Variants in GRID1 observed in about 807,000 individuals in gnomAD.
The protein encoded by GRID1 is glutamate ionotropic receptor delta type subunit 1.
In GRID1, 28 loss-of-function variants were observed where a neutral mutation model predicts 98.0. The ratio of observed to expected loss-of-function variants is 0.29; its 90% CI spans 0.21 to 0.39. The LOEUF (loss-of-function observed/expected upper bound fraction) is 0.39. GRID1 is among the 10% of genes least tolerant of loss of function. The probability of loss-of-function intolerance (pLI) is 1.00; values close to 1 mark genes in which losing one functional copy is unlikely to be tolerated. For synonymous variants in GRID1, 553 were observed against 538.5 expected (o/e 1.03, Z -0.37); for missense variants, 1,111 against 1,340.5 (o/e 0.83, Z 2.67).
chr10:86,178,213 G>C (rs1384232918), intron 3 of GRID1, among the ~76,000 whole-genome samples: 1 of 152,178 alleles, frequency 6.6e-6, no homozygotes, highest in Non-Finnish European at 1.5e-5. Context: ...AAAATCACTT[G>C]TCTCCCAAAT....
intron 12 of GRID1, among the ~76,000 whole-genome samples, chr10:85,678,496 A>G (rs1841170589): frequency 6.6e-6 from 1 of 152,132 alleles, no homozygotes; most frequent in African/African-American, 2.4e-5. Flanking sequence ...ATACCCAAAG[A>G]TGAGGTCTAA....
At chr10:85,665,769 C>A (rs531566669) in intron 12 of GRID1, among the ~76,000 whole-genome samples, 1 of 152,188 alleles carries the variant, frequency 6.6e-6, no homozygotes, top group Non-Finnish European at 1.5e-5. Context: ...GCCACCCCTG[C>A]AACCTAATTT....
At chr10:85,960,948 A>G (rs1842257771) in intron 4 of GRID1, among the ~76,000 whole-genome samples, 1 of 151,276 alleles carries the variant, frequency 6.6e-6, no homozygotes, top group Non-Finnish European at 1.5e-5. Context: ...CCTGGCCTTC[A>G]CCCTGAGGAC....
At chr10:86,344,496 G>A (rs866685677) in intron 2 of GRID1, among the ~76,000 whole-genome samples, 1 of 152,150 alleles carries the variant, frequency 6.6e-6, no homozygotes, top group African/African-American at 2.4e-5. Flanking sequence ...CAGAAGCTAG[G>A]GGAGGAGCAG....
chr10:86,271,061 T>G (rs1365689670), intron 2 of GRID1, among the ~76,000 whole-genome samples: 1 of 152,164 alleles, frequency 6.6e-6, no homozygotes, highest in Non-Finnish European at 1.5e-5. Flanking sequence ...GAAAGACACC[T>G]GGCGAGCTTT....
chr10:86,317,925 T>A (rs1198234235), intron 2 of GRID1, among the ~76,000 whole-genome samples: 1 of 152,048 alleles, frequency 6.6e-6, no homozygotes, highest in Admixed American at 6.5e-5. Context: ...ATTTTTTTTG[T>A]AAAGACAGGG....
intron 5 of GRID1, 58 bp from the exon 6 acceptor site, chr10:85,869,238 A>T: frequency 1.3e-6 from 2 of 1,491,020 alleles, no homozygotes; most frequent in Non-Finnish European, 1.9e-6. Flanking sequence ...TCTGCAAGAG[A>T]CCTATCAGGA....
intron 4 of GRID1, among the ~76,000 whole-genome samples, chr10:85,960,845 G>T (rs1564636088): frequency 1.3e-5 from 2 of 152,158 alleles, no homozygotes; most frequent in Admixed American, 6.5e-5. Context: ...CCTCACTCAG[G>T]GAAAACATTT....
intron 2 of GRID1, among the ~76,000 whole-genome samples, chr10:86,303,247 T>C (rs1298618600): frequency 1.3e-5 from 2 of 152,246 alleles, no homozygotes; most frequent in African/African-American, 4.8e-5. Flanking sequence ...GAAGCAGATA[T>C]ATGACAAATG....
chr10:86,200,757 G>A (rs536686309), intron 3 of GRID1, among the ~76,000 whole-genome samples: 1 of 151,564 alleles, frequency 6.6e-6, no homozygotes, highest in African/African-American at 2.4e-5. Flanking sequence ...TTAAAAACAG[G>A]CAAAAAAATC....
chr10:86,085,321 C>T (rs1235865645), intron 4 of GRID1, among the ~76,000 whole-genome samples: 1 of 152,206 alleles, frequency 6.6e-6, no homozygotes, highest in Non-Finnish European at 1.5e-5. Context: ...CACTGCCATT[C>T]CGTGGACCTC....
chr10:86,196,299 G>C (rs896586855), intron 3 of GRID1, among the ~76,000 whole-genome samples: 1 of 151,982 alleles, frequency 6.6e-6, no homozygotes, highest in Non-Finnish European at 1.5e-5. Context: ...TTTGTTCAGC[G>C]CTTGGCTCAA....
At chr10:85,716,047 C>T (rs554988543) in intron 12 of GRID1, among the ~76,000 whole-genome samples, 1 of 152,136 alleles carries the variant, frequency 6.6e-6, no homozygotes, top group East Asian at 1.9e-4. Flanking sequence ...GCTGGGATCA[C>T]AGGTGCCCGC....
At chr10:86,245,860 G>C (rs1225352458) in intron 2 of GRID1, among the ~76,000 whole-genome samples, 1 of 152,246 alleles carries the variant, frequency 6.6e-6, no homozygotes, top group Non-Finnish European at 1.5e-5. Flanking sequence ...AAGAAGGCTG[G>C]GGCAGCACAG....
chr10:86,069,330 C>G (rs991786318), intron 4 of GRID1, among the ~76,000 whole-genome samples: 1 of 152,184 alleles, frequency 6.6e-6, no homozygotes, highest in Non-Finnish European at 1.5e-5. Context: ...GACCAGAGAG[C>G]CTCGCCCTGA....
intron 12 of GRID1, among the ~76,000 whole-genome samples, chr10:85,703,408 A>T (rs941631680): frequency 1.1e-4 from 16 of 152,134 alleles, no homozygotes; most frequent in African/African-American, 3.6e-4. Context: ...ATGGGAAAAA[A>T]TAAAAGAATG....
At chr10:86,169,360 C>G (rs1217723031) in intron 3 of GRID1, among the ~76,000 whole-genome samples, 3 of 110,022 alleles carry the variant, frequency 2.7e-5, no homozygotes, top group Non-Finnish European at 5.2e-5. Context: ...AAATAAACCC[C>G]TGACTTGTAG....
At chr10:85,643,954 G>A (rs926449365) in intron 13 of GRID1, 1 of 152,184 alleles carries the variant, frequency 6.6e-6, no homozygotes, top group Non-Finnish European at 1.5e-5. Context: ...ACCAGACGGT[G>A]AGTGGTTTCC....
At chr10:85,956,391 T>C (rs531504753) in intron 4 of GRID1, among the ~76,000 whole-genome samples, 2 of 152,202 alleles carry the variant, frequency 1.3e-5, no homozygotes, top group Admixed American at 1.3e-4. Flanking sequence ...TTCTGGAAAC[T>C]TATAAGCTGC....
Sources: gnomAD v4.1 joint callset for allele counts (sites outside exome capture counted in the v4.1 genomes callset) on GRCh38, gnomAD v4.1.1 for gene constraint, MANE v1.5 for transcripts, NCBI Gene and HGNC (gene_info 2026-07-23, HGNC 2026-07-21) for gene names.